The following FABP6 variants were observed in gnomAD, a reference collection of about 807,000 sequenced individuals.
FABP6 encodes fatty acid binding protein 6.
Under a neutral mutation model 14.9 loss-of-function variants are expected in FABP6, and 13 were observed. The observed-to-expected ratio is 0.87, with a 90% CI of 0.57 to 1.39. FABP6 has a LOEUF of 1.39. Ranked by LOEUF, FABP6 falls within the 40% of genes most tolerant of loss-of-function variation. The pLI is 0.00. For missense variants in FABP6, 161 were observed against 167.2 expected (o/e 0.96, Z 0.20); for synonymous variants, 75 against 63.6 (o/e 1.18, Z -0.85).
intron 2 of FABP6, among the ~76,000 whole-genome samples, chr5:160,206,244 A>G (rs1175470506): frequency 6.6e-6 from 1 of 152,208 alleles, no homozygotes; most frequent in Non-Finnish European, 1.5e-5. Flanking sequence ...AACCTGGCCA[A>G]CATGGGGAAA....
At chr5:160,209,596 T>C (rs1759844449) in intron 2 of FABP6, among the ~76,000 whole-genome samples, 1 of 152,182 alleles carries the variant, frequency 6.6e-6, no homozygotes, top group Non-Finnish European at 1.5e-5. Flanking sequence ...CTCTGTACCG[T>C]CTTGGTATTC....
At chr5:160,228,010 T>C (rs961753709), upstream of FABP6, among the ~76,000 whole-genome samples, 13 of 152,168 alleles carry the variant, frequency 8.5e-5, no homozygotes, top group East Asian at 3.9e-4. Flanking sequence ...AGCAACTGTA[T>C]TGAATTCAGC....
chr5:160,235,080 T>C (rs1166861382), intron 3 of FABP6, among the ~76,000 whole-genome samples, 171 bp downstream of exon 3: 1 of 152,174 alleles, frequency 6.6e-6, no homozygotes, highest in African/African-American at 2.4e-5. Flanking sequence ...AAAATAACCC[T>C]GTTAGGTGGG....
chr5:160,222,848 G>C (rs1760158096), intron 3 of FABP6, among the ~76,000 whole-genome samples: 1 of 152,198 alleles, frequency 6.6e-6, no homozygotes, highest in Non-Finnish European at 1.5e-5. Flanking sequence ...CATTGTATGA[G>C]TTGTAAGAAT....
chr5:160,228,936 G>T (rs1760308543), upstream of FABP6, among the ~76,000 whole-genome samples: 8 of 152,072 alleles, frequency 5.3e-5, no homozygotes, highest in Admixed American at 5.2e-4. Flanking sequence ...TCCAAGACGG[G>T]TGCCAAATGC....
chr5:160,199,661 G>C (rs953489118), intron 2 of FABP6, among the ~76,000 whole-genome samples: 6 of 152,046 alleles, frequency 3.9e-5, no homozygotes, highest in African/African-American at 1.4e-4. Flanking sequence ...ATCTCCCCCT[G>C]CTATCTTCAT....
At chr5:160,229,378 G>A (rs770438255), upstream of FABP6, 7 of 1,422,654 alleles carry the variant, frequency 4.9e-6, no homozygotes, top group South Asian at 6.0e-5. Context: ...GTCCCTCCAG[G>A]TCCTGCCCAC....
chr5:160,228,593 C>T (rs990412091), upstream of FABP6: 1 of 454,546 alleles, frequency 2.2e-6, no homozygotes. Flanking sequence ...CCCCTAACCC[C>T]TTCCAGCTCT....
chr5:160,199,050 C>A, exon 2 of FABP6: 1 of 1,597,780 alleles, frequency 6.3e-7, no homozygotes, highest in Admixed American at 1.7e-5. Flanking sequence ...TCATTGCAGA[C>A]TTTGCACCTC....
chr5:160,198,987 A>G, intron 1 of FABP6: 1 of 999,654 alleles, frequency 1.0e-6, no homozygotes. Context: ...TAGACAAATG[A>G]ATGAACAATG....
At chr5:160,197,214 T>A (rs1270823888) in intron 1 of FABP6, 1 of 152,206 alleles carries the variant, frequency 6.6e-6, no homozygotes, top group East Asian at 1.9e-4. Context: ...CCCAGGGGGT[T>A]CATAACCTCC....
At chr5:160,225,093 G>GTTTTTTTTTTTTT, upstream of FABP6, among the ~76,000 whole-genome samples, 1 of 146,208 alleles carries the variant, frequency 6.8e-6, no homozygotes, top group African/African-American at 2.5e-5. Context: ...CCTGATAGCA[G>GTTTTTTTTTTTTT]TTTTTTTTTT....
intron 3 of FABP6, among the ~76,000 whole-genome samples, chr5:160,221,021 G>A (rs1371798749): frequency 2.6e-5 from 4 of 151,222 alleles, no homozygotes; most frequent in Non-Finnish European, 4.4e-5. Flanking sequence ...CCCTGGAGGC[G>A]GAGGTTGCAG....
At chr5:160,193,879 C>T (rs1759453022) in intron 1 of FABP6, among the ~76,000 whole-genome samples, 1 of 152,256 alleles carries the variant, frequency 6.6e-6, no homozygotes. Flanking sequence ...GCCTGCCAGT[C>T]ACGCGCCATG....
intron 1 of FABP6, among the ~76,000 whole-genome samples, chr5:160,230,086 T>A (rs534519457): frequency 6.6e-6 from 1 of 151,820 alleles, no homozygotes; most frequent in East Asian, 1.9e-4. Context: ...TTTTACCATG[T>A]TGGCCAGGCT....
chr5:160,237,101 T>G (rs552745096), intron 3 of FABP6, among the ~76,000 whole-genome samples: 4 of 152,290 alleles, frequency 2.6e-5, no homozygotes, highest in Non-Finnish European at 5.9e-5. Flanking sequence ...AAGGATCTGA[T>G]GAAAGGGCTT....
intron 1 of FABP6, among the ~76,000 whole-genome samples, chr5:160,196,184 G>A (rs543069890): frequency 6.6e-6 from 1 of 152,348 alleles, no homozygotes; most frequent in Admixed American, 6.5e-5. Context: ...TGCCTGGGGA[G>A]CCACCATGGC....
Position 160,200,178 on chromosome 5 carries a change from G to A in FABP6, c.51+1021G>A, listed in dbSNP as rs558147359. ...CTGAGCTCAAGCTGCGGAAGTGGCA[G>A]CCTCTTAGGATTATGGGAGAACACA... is the stretch of plus-strand genomic sequence containing the variant. On this transcript the variant is annotated intron_variant, in intron 2 of 6. Transcript: ENST00000393980. Among the ~76,000 whole-genome samples, 16 of 152,344 alleles carry A rather than the reference G, an allele frequency of 1.1e-4. No homozygotes were observed. The Middle Eastern group carries it at 0.01, about 97-fold the overall frequency.
chr5:160,216,684 TAATC>T (rs1192082550), intron 3 of FABP6, among the ~76,000 whole-genome samples: 2 of 152,208 alleles, frequency 1.3e-5, no homozygotes, highest in Admixed American at 6.5e-5. Context: ...TATCCAAACT[TAATC>T]AATGACTGGT....
Sources: allele counts gnomAD v4.1 joint callset (sites outside exome capture counted in the v4.1 genomes callset), GRCh38; gene constraint gnomAD v4.1.1; transcripts MANE v1.5; gene names NCBI Gene and HGNC (gene_info 2026-07-23, HGNC 2026-07-21).